MID1: variants seen among roughly 807,000 people sequenced by gnomAD.
MID1 encodes E3 ubiquitin-protein ligase Midline-1.
MID1 carries 7 observed loss-of-function variants against 40.4 expected under a neutral mutation model. The observed-to-expected ratio is 0.17, with a 90% CI of 0.10 to 0.33. MID1 has a LOEUF of 0.33. Among genes scored for constraint, MID1 ranks in the 10% least tolerant of loss-of-function variants. The pLI, the probability that MID1 is intolerant of heterozygous loss-of-function variation, is 1.00. For missense variants in MID1, 367 were observed against 558.5 expected, an observed-to-expected ratio of 0.66 and a Z score of 3.46; for synonymous variants, 229 against 221.2, an observed-to-expected ratio of 1.04 and a Z score of -0.31.
chrX:10,728,165 T>A (rs765695762), intron 1 of MID1, among the ~76,000 whole-genome samples: 5 of 111,280 alleles, frequency 4.5e-5, no homozygotes, highest in Non-Finnish European at 1.9e-5. Flanking sequence ...TAGAGGTGGA[T>A]GGATCTTTAA....
chrX:10,688,926 G>A (rs143711169), intron 1 of MID1, among the ~76,000 whole-genome samples: 2,109 of 110,298 alleles, frequency 0.019, 49 homozygotes, highest in African/African-American at 0.066. Context: ...CTTGTTAACC[G>A]CTGGCCTAGT....
chrX:10,751,949 T>C (rs1038422746), intron 1 of MID1, among the ~76,000 whole-genome samples: 4 of 110,878 alleles, frequency 3.6e-5, no homozygotes, highest in African/African-American at 1.3e-4. Context: ...ATCTGGTTGT[T>C]TAAAACAGTC....
chrX:10,809,242 C>T (rs1273638603), intron 1 of MID1, among the ~76,000 whole-genome samples: 1 of 111,864 alleles, frequency 8.9e-6, no homozygotes, highest in Non-Finnish European at 1.9e-5. Context: ...CATCTCACAC[C>T]AGTTAGAATG....
At chrX:10,626,331 A>ATTATTC (rs1254277281) in intron 1 of MID1, among the ~76,000 whole-genome samples, 2 of 105,777 alleles carry the variant, frequency 1.9e-5, no homozygotes, top group African/African-American at 3.4e-5. Context: ...TATTATTATT[A>ATTATTC]TTATTATTAT....
chrX:10,712,466 G>A (rs778462999), intron 1 of MID1, among the ~76,000 whole-genome samples: 4 of 111,218 alleles, frequency 3.6e-5, no homozygotes, highest in African/African-American at 1.3e-4. Context: ...AACTCACTGC[G>A]TATATGGCCC....
chrX:10,634,749 G>A (rs959047609), intron 1 of MID1, among the ~76,000 whole-genome samples: 1 of 112,083 alleles, frequency 8.9e-6, no homozygotes, highest in African/African-American at 3.2e-5. Flanking sequence ...GACGAATATC[G>A]TACAACCCAC....
intron 2 of MID1, among the ~76,000 whole-genome samples, chrX:10,549,602 T>C (rs1405979342): frequency 8.8e-6 from 1 of 113,639 alleles, no homozygotes; most frequent in African/African-American, 3.2e-5. Context: ...TGCTGACTTC[T>C]GCCTTTATGA....
intron 6 of MID1, among the ~76,000 whole-genome samples, chrX:10,472,786 G>A (rs2147284668): frequency 8.9e-6 from 1 of 112,004 alleles, no homozygotes; most frequent in South Asian, 3.8e-4. Flanking sequence ...GTGATCATGT[G>A]GCAAAAAGGC....
chrX:10,689,785 A>T (rs1266884131), intron 1 of MID1, among the ~76,000 whole-genome samples: 1 of 108,984 alleles, frequency 9.2e-6, no homozygotes, highest in Non-Finnish European at 1.9e-5. Flanking sequence ...CCTTCTCCTT[A>T]CACATTTTTT....
chrX:10,826,222 C>T (rs1259742681), intron 1 of MID1, among the ~76,000 whole-genome samples: 1 of 111,012 alleles, frequency 9.0e-6, no homozygotes, highest in Non-Finnish European at 1.9e-5. Context: ...CCCTCATGAT[C>T]TCCCTTGCCC....
chrX:10,781,921 A>C (rs2043849141), intron 1 of MID1, among the ~76,000 whole-genome samples: 1 of 112,235 alleles, frequency 8.9e-6, no homozygotes, highest in African/African-American at 3.2e-5. Context: ...AAAATCATTT[A>C]TCTTTGCCAT....
chrX:10,687,399 G>A (rs1456494226), intron 1 of MID1, among the ~76,000 whole-genome samples: 1 of 111,982 alleles, frequency 8.9e-6, no homozygotes, highest in Non-Finnish European at 1.9e-5. Flanking sequence ...CAACTGTATC[G>A]GCTTGGGACT....
At chrX:10,505,976 T>C in intron 3 of MID1, 1 of 756,239 alleles carries the variant, frequency 1.3e-6, no homozygotes. Flanking sequence ...TTCCGTACAG[T>C]GAGTGAAATA....
At chrX:10,596,180 G>T (rs1935407480) in intron 1 of MID1, among the ~76,000 whole-genome samples, 1 of 111,803 alleles carries the variant, frequency 8.9e-6, no homozygotes, top group Non-Finnish European at 1.9e-5. Flanking sequence ...AAATTTCACA[G>T]GCTAAACCCT....
chrX:10,783,558 G>T (rs918841450), intron 1 of MID1, among the ~76,000 whole-genome samples: 1 of 111,538 alleles, frequency 9.0e-6, no homozygotes, highest in Non-Finnish European at 1.9e-5. Context: ...TTGCAAATGC[G>T]AGACACCCAA....
At chrX:10,804,127 C>A (rs1367415346) in intron 1 of MID1, among the ~76,000 whole-genome samples, 1 of 111,862 alleles carries the variant, frequency 8.9e-6, no homozygotes, top group African/African-American at 3.2e-5. Flanking sequence ...CCTTTTGATT[C>A]TTTCTTAGAA....
intron 1 of MID1, among the ~76,000 whole-genome samples, chrX:10,608,429 G>A (rs1421083119): frequency 2.7e-5 from 3 of 112,071 alleles, no homozygotes; most frequent in African/African-American, 6.5e-5. Flanking sequence ...ACTGATACAT[G>A]CAACAACTTG....
At chrX:10,710,151 AT>A (rs1337823508) in intron 1 of MID1, among the ~76,000 whole-genome samples, 2 of 111,372 alleles carry the variant, frequency 1.8e-5, no homozygotes, top group Non-Finnish European at 3.8e-5. Context: ...CAATGAGAGA[AT>A]TCCTAGGGCA....
chrX:10,824,640 C>T (rs943136926), intron 1 of MID1, among the ~76,000 whole-genome samples: 4 of 112,313 alleles, frequency 3.6e-5, no homozygotes, highest in Non-Finnish European at 7.5e-5. Context: ...CATACTATTC[C>T]GATTTAAAAT....
Sources: allele counts gnomAD v4.1 joint callset (sites outside exome capture counted in the v4.1 genomes callset), GRCh38; gene constraint gnomAD v4.1.1; transcripts MANE v1.5; gene names NCBI Gene and HGNC (gene_info 2026-07-23, HGNC 2026-07-21).